The following CYP7B1 variants were observed in gnomAD, a reference collection of about 807,000 sequenced individuals.
CYP7B1 encodes the protein cytochrome P450 7B1.
A neutral mutation model predicts 42.7 loss-of-function variants in CYP7B1; 29 were observed. The observed-to-expected ratio is 0.68, with a 90% CI of 0.51 to 0.93. CYP7B1 has a LOEUF of 0.93. Ranked by LOEUF, CYP7B1 falls within the 40% of genes least tolerant of loss-of-function variation. The pLI is 0.00. For synonymous variants in CYP7B1, 235 were observed against 218.2 expected, an observed-to-expected ratio of 1.08 and a Z score of -0.68; for missense variants, 655 against 600.5, an observed-to-expected ratio of 1.09 and a Z score of -0.95.
At chr8:64,718,534 T>C (rs1172546870) in intron 1 of CYP7B1, among the ~76,000 whole-genome samples, 1 of 152,208 alleles carries the variant, frequency 6.6e-6, no homozygotes, top group Non-Finnish European at 1.5e-5. Context: ...TGCTCAGAAA[T>C]TGGGATTCCC....
At chr8:64,706,862 G>A (rs1004621010) in intron 1 of CYP7B1, among the ~76,000 whole-genome samples, 2 of 151,844 alleles carry the variant, frequency 1.3e-5, no homozygotes, top group African/African-American at 4.8e-5. Flanking sequence ...TCAATAAGTA[G>A]GAGAAAAGAT....
intron 4 of CYP7B1, among the ~76,000 whole-genome samples, chr8:64,614,098 T>C (rs950959457): frequency 7.1e-4 from 108 of 152,298 alleles, no homozygotes; most frequent in African/African-American, 2.5e-3. Context: ...GGATGAAATG[T>C]CAATACAGAG....
Position 64,616,051 on chromosome 8 carries a change from C to T in CYP7B1, c.490G>A (p.Val164Ile), listed in dbSNP as rs1805440265. ...LESMMQNLKQ[V>I]FEPQLLKTTS... ...GTTTTTAACAGCTGGGGTTCAAAAA[C>T]TTGTTTTAGATTCTGCATCATGCTT... The change falls in exon 3 of 6, where the codon GTT becomes ATT. Residue 164 changes from valine (V) to isoleucine (I), a missense_variant. Val to Ile is a conservative substitution (Grantham distance 29). Coordinates refer to ENST00000310193, the MANE Select transcript of CYP7B1 (RefSeq NM_004820.5). The T allele has an allele frequency of 3.1e-6, 5 of 1,613,668 alleles. No homozygotes were observed. The highest frequency in any genetic ancestry group is 3.4e-6 in the Non-Finnish European group (4 of 1,179,790).
In CYP7B1 at chr8:64,615,851, T is replaced by A; in HGVS notation, c.690A>T (p.Ile230=). ...DDKFAYLVSN[I]PIELLGNVKS... is the part of the protein sequence containing the mutation. The stretch of plus-strand genomic sequence containing the variant: ...TGACATTTCCTAGAAGCTCAATGGG[T>A]ATGTTGGATACTAAATATGCAAACT... The change falls in exon 3 of 6, where the codon ATA becomes ATT. Residue 230 remains isoleucine, a synonymous_variant. Coordinates refer to ENST00000310193, the MANE Select transcript of CYP7B1 (RefSeq NM_004820.5). 1 of 1,613,770 alleles carries A rather than the reference T, an allele frequency of 6.2e-7. No individual in the cohort carries two copies. The highest frequency in any genetic ancestry group is 1.3e-5 in the African/African-American group (1 of 75,036).
chr8:64,619,620 C>T (rs1805497857), intron 2 of CYP7B1, among the ~76,000 whole-genome samples: 1 of 152,164 alleles, frequency 6.6e-6, no homozygotes, highest in South Asian at 2.1e-4. Flanking sequence ...TTTTTAGGAG[C>T]TAACTGGCCT....
At chr8:64,650,170 C>T (rs1806016346) in intron 1 of CYP7B1, among the ~76,000 whole-genome samples, 1 of 152,124 alleles carries the variant, frequency 6.6e-6, no homozygotes, top group African/African-American at 2.4e-5. Context: ...TTTACAGAAG[C>T]TTCTCTCTAG....
At chr8:64,612,154 A>G (rs930000377) in intron 4 of CYP7B1, among the ~76,000 whole-genome samples, 4 of 151,842 alleles carry the variant, frequency 2.6e-5, no homozygotes, top group Admixed American at 2.0e-4. Flanking sequence ...TCTTTTTCCT[A>G]TATCTAAACC....
chr8:64,724,166 C>T (rs1355630817), intron 1 of CYP7B1, among the ~76,000 whole-genome samples: 1 of 151,470 alleles, frequency 6.6e-6, no homozygotes, highest in Non-Finnish European at 1.5e-5. Context: ...GATGGAGTCT[C>T]GATCTGTCAC....
At position 64,699,337 on chromosome 8, in the gene CYP7B1, G is replaced by GT. The variant is rs773318850; in HGVS notation, c.123-74799dup. Among the ~76,000 whole-genome samples, 23 of 152,060 alleles carry GT rather than the reference G, an allele frequency of 1.5e-4. No homozygotes were observed. The South Asian group carries it at 1.9e-3, about 12-fold the overall frequency. On this transcript the variant is annotated intron_variant, in intron 1 of 5. Coordinates refer to ENST00000310193, the MANE Select transcript of CYP7B1 (RefSeq NM_004820.5). ...TCAAAAGAACTGTTCATTTTTAGAGGTTTTTTTAAAATTATATAAACACTT... is the reference window on the plus strand; with the variant it reads ...TCAAAAGAACTGTTCATTTTTAGAGGTTTTTTTTAAAATTATATAAACACTT...
intron 1 of CYP7B1, among the ~76,000 whole-genome samples, chr8:64,677,555 C>T (rs559596949): frequency 9.9e-5 from 15 of 150,938 alleles, no homozygotes; most frequent in African/African-American, 3.6e-4. Flanking sequence ...CATTCTCAAG[C>T]AACTGAGGAG....
rs137875741 is a variant in CYP7B1 at position 64,738,888 on chromosome 8, G to C, written c.122+59578C>G. On this transcript the variant is annotated intron_variant, in intron 1 of 5. Transcript: ENST00000310193. ...ATTTTGACAAATTCCTGGGGGGTGA[G>C]TGTGGACTAGTATTAACAGTGAGAA... 3.6e-3 allele frequency among the ~76,000 whole-genome samples: 542 copies of C among 152,234 alleles called. 4 individuals are homozygous for C. The highest frequency in any genetic ancestry group is 0.017 in the Middle Eastern group (5 of 294).
chr8:64,778,034 A>G (rs1804355749), intron 1 of CYP7B1, among the ~76,000 whole-genome samples: 1 of 151,700 alleles, frequency 6.6e-6, no homozygotes, highest in Non-Finnish European at 1.5e-5. Context: ...AGAGTCATAA[A>G]TGCTTTGGTC....
At chr8:64,739,072 T>C (rs1807532267) in intron 1 of CYP7B1, among the ~76,000 whole-genome samples, 1 of 152,148 alleles carries the variant, frequency 6.6e-6, no homozygotes, top group African/African-American at 2.4e-5. Flanking sequence ...GCATTTTCTA[T>C]AACAAAGGCT....
chr8:64,684,409 T>C (rs1311712804), intron 1 of CYP7B1, among the ~76,000 whole-genome samples: 2 of 152,246 alleles, frequency 1.3e-5, no homozygotes, highest in South Asian at 2.1e-4. Flanking sequence ...ATTAAATGAA[T>C]TGATATTTTT....
chr8:64,619,304 G>C (rs997774843), intron 2 of CYP7B1, among the ~76,000 whole-genome samples: 14 of 152,124 alleles, frequency 9.2e-5, no homozygotes, highest in Non-Finnish European at 1.9e-4. Context: ...ATTAACTTTT[G>C]CTCCAGGGTG....
chr8:64,741,017 A>G (rs1459510346), intron 1 of CYP7B1, among the ~76,000 whole-genome samples: 2 of 152,044 alleles, frequency 1.3e-5, no homozygotes, highest in East Asian at 3.9e-4. Context: ...GCAAAACCAG[A>G]TAAAGCCATT....
chr8:64,649,104 C>T (rs1805998054), intron 1 of CYP7B1, among the ~76,000 whole-genome samples: 1 of 152,144 alleles, frequency 6.6e-6, no homozygotes, highest in African/African-American at 2.4e-5. Flanking sequence ...CTTCCACCAC[C>T]AAAACTCTAT....
At chr8:64,597,253 G>GC (rs1414224547) in intron 5 of CYP7B1, among the ~76,000 whole-genome samples, 1 of 152,140 alleles carries the variant, frequency 6.6e-6, no homozygotes, top group African/African-American at 2.4e-5. Context: ...TGACATATGG[G>GC]CACTTGATTA....
downstream of CYP7B1, chr8:64,587,809 A>C (rs1395784949): frequency 6.6e-6 from 1 of 152,232 alleles, no homozygotes; most frequent in Non-Finnish European, 1.5e-5. Flanking sequence ...TCTGAAAGAG[A>C]AATGAATGGG....
Sources: gnomAD v4.1 joint callset for allele counts (sites outside exome capture counted in the v4.1 genomes callset) on GRCh38, gnomAD v4.1.1 for gene constraint, MANE v1.5 for transcripts, NCBI Gene and HGNC (gene_info 2026-07-23, HGNC 2026-07-21) for gene names.